OGG1: variants seen among roughly 807,000 people sequenced by gnomAD.
OGG1 encodes 8-oxoguanine DNA glycosylase.
A neutral mutation model predicts 42.3 loss-of-function variants in OGG1; 35 were observed. The ratio of observed to expected loss-of-function variants is 0.83; its 90% CI spans 0.63 to 1.10. OGG1 has a LOEUF of 1.10. Ranked by LOEUF, OGG1 falls within the 50% of genes least tolerant of loss-of-function variation. The probability of loss-of-function intolerance (pLI) is 0.00; values close to 1 mark genes in which losing one functional copy is unlikely to be tolerated. For missense variants in OGG1, 484 were observed against 446.7 expected (o/e 1.08, Z -0.75); for synonymous variants, 189 against 179.0 (o/e 1.06, Z -0.44).
At chr3:9,760,701 C>T (rs747165508), downstream of OGG1, 17 of 1,613,962 alleles carry the variant, frequency 1.1e-5, no homozygotes, top group Admixed American at 1.0e-4. Flanking sequence ...AACTCGTACT[C>T]GGCCTTCAAA....
intron 3 of OGG1, among the ~76,000 whole-genome samples, chr3:9,754,188 T>C (rs564175082): frequency 6.6e-6 from 1 of 152,324 alleles, no homozygotes; most frequent in Non-Finnish European, 1.5e-5. Context: ...AGGTGCAAGA[T>C]CTTATCTCCC....
intron 4 of OGG1, among the ~76,000 whole-genome samples, chr3:9,755,904 C>G (rs998938236): frequency 6.6e-6 from 1 of 152,176 alleles, no homozygotes; most frequent in Admixed American, 6.5e-5. Flanking sequence ...GTCACTTCAC[C>G]TTTCAAAGCC....
chr3:9,781,296 T>C (rs996499749), intron 2 of OGG1, among the ~76,000 whole-genome samples: 16 of 151,982 alleles, frequency 1.1e-4, no homozygotes, highest in Admixed American at 3.3e-4. Context: ...TATATATATA[T>C]ACATACACAC....
At chr3:9,789,833 C>A (rs2078695169), downstream of OGG1, 1 of 1,614,262 alleles carries the variant, frequency 6.2e-7, no homozygotes, top group Non-Finnish European at 8.5e-7. Flanking sequence ...AGGGCCCGGC[C>A]CATGTCCTGC....
intron 2 of OGG1, chr3:9,780,101 C>A: frequency 2.6e-6 from 1 of 387,884 alleles, no homozygotes. Flanking sequence ...AAGAGGAAGA[C>A]CCAGAAACGA....
downstream of OGG1, among the ~76,000 whole-genome samples, chr3:9,790,497 T>C (rs1235809382): frequency 6.6e-6 from 1 of 152,218 alleles, no homozygotes; most frequent in Non-Finnish European, 1.5e-5. Flanking sequence ...CACACTGGAA[T>C]GACCATCACA....
intron 7 of OGG1, among the ~76,000 whole-genome samples, chr3:9,764,930 C>G (rs2078079927): frequency 2.6e-5 from 4 of 152,060 alleles, no homozygotes; most frequent in Admixed American, 1.3e-4. Context: ...CTCTCTGGGT[C>G]TTATTAGAAA....
chr3:9,762,001 G>T, downstream of OGG1: 1 of 442,872 alleles, frequency 2.3e-6, no homozygotes, highest in Non-Finnish European at 4.1e-6. Flanking sequence ...AGCCCTAAAG[G>T]AATGTTTGAA....
chr3:9,771,418 T>A (rs1030675907), downstream of OGG1, among the ~76,000 whole-genome samples: 1 of 152,166 alleles, frequency 6.6e-6, no homozygotes, highest in Non-Finnish European at 1.5e-5. Flanking sequence ...ATGCTTTACC[T>A]CTCCGAACCT....
chr3:9,762,850 G>T, intron 7 of OGG1: 2 of 1,547,522 alleles, frequency 1.3e-6, no homozygotes, highest in Non-Finnish European at 1.8e-6. Context: ...AGGTCAGACA[G>T]TTTGGGGTTT....
At chr3:9,780,896 T>C (rs1262812106) in intron 2 of OGG1, among the ~76,000 whole-genome samples, 1 of 152,184 alleles carries the variant, frequency 6.6e-6, no homozygotes, top group African/African-American at 2.4e-5. Context: ...CCCAGCACTT[T>C]GGGAGCCCAA....
rs1233013435 is a variant in OGG1 at position 9,756,454 on chromosome 3, T to G, written c.748-17T>G. 8.1e-6 allele frequency: 13 copies of G among 1,614,090 alleles called. No homozygotes were observed. Among genetic ancestry groups the G allele is most frequent in the Non-Finnish European group, 1.1e-5 (13 of 1,179,966 alleles). ...GCTGCCCTTCTTCCACAAGGGCTCA[T>G]TCTGTGTCTGTCAAAGGTGGCTGAC... On this transcript the variant is annotated splice_polypyrimidine_tract_variant and intron_variant, in intron 4 of 6. Coordinates refer to ENST00000344629, the MANE Select transcript of OGG1 (RefSeq NM_002542.6).
At position 9,784,283 on chromosome 3, in the gene OGG1, G is replaced by A. The variant is rs1030498304; in HGVS notation, c.382+2683G>A. The stretch of plus-strand genomic sequence containing the variant: ...GAAGGGCCCACCTTGGAGGTTCCCA[G>A]GGCTTCCCAAGGTCAGTGAAAACCT... On this transcript the variant is annotated intron_variant, in intron 3 of 3. Transcript: ENST00000426518. The A allele has an allele frequency of 1.6e-4, 253 of 1,534,556 alleles. 6 individuals carry two copies. The South Asian group carries it at 3.0e-3, about 18-fold the overall frequency.
intron 3 of OGG1, chr3:9,785,270 C>A: frequency 1.3e-6 from 2 of 1,499,266 alleles, no homozygotes; most frequent in Non-Finnish European, 1.8e-6. Context: ...GAGAAGCCAA[C>A]AGAAGCGGGG....
chr3:9,757,711 GCAGAGCCCGCTCCTCACC>G, downstream of OGG1: 1 of 1,614,008 alleles, frequency 6.2e-7, no homozygotes, highest in Admixed American at 1.7e-5. The surrounding 1 kb of genome is among the most constrained non-coding windows in gnomAD (Gnocchi z 4.5). Context: ...ATGCCCTTCT[GCAGAGCCCGCTCCTCACC>G]CCCAGCCACT....
chr3:9,760,426 CTA>C (rs2077799518), downstream of OGG1: 2 of 473,308 alleles, frequency 4.2e-6, no homozygotes, highest in African/African-American at 3.9e-5. Context: ...TTCAAATAGA[CTA>C]TGTTTGAAGA....
At chr3:9,773,658 G>A (rs556269324) in intron 2 of OGG1, among the ~76,000 whole-genome samples, 1 of 148,036 alleles carries the variant, frequency 6.8e-6, no homozygotes, top group Non-Finnish European at 1.5e-5. Context: ...TGGCTAAACA[G>A]TGCAGACATC....
At chr3:9,789,449 C>T, downstream of OGG1, 1 of 1,497,024 alleles carries the variant, frequency 6.7e-7, no homozygotes. Context: ...AGCTTTACTT[C>T]TCAGGCACCT....
At chr3:9,753,884 T>A (rs550003162) in intron 3 of OGG1, among the ~76,000 whole-genome samples, 1 of 152,210 alleles carries the variant, frequency 6.6e-6, no homozygotes, top group African/African-American at 2.4e-5. Context: ...TGCTGGTAAT[T>A]TCAGCACTTT....
Sources: gnomAD v4.1 joint callset for allele counts (sites outside exome capture counted in the v4.1 genomes callset) on GRCh38, gnomAD v4.1.1 for gene constraint, Gnocchi (gnomAD v3.1) non-coding constraint, MANE v1.5 for transcripts, NCBI Gene and HGNC (gene_info 2026-07-23, HGNC 2026-07-21) for gene names.